Variants in AMN1 observed in about 807,000 individuals in gnomAD.
The protein encoded by AMN1 is antagonist of mitotic exit network 1 homolog.
In AMN1, 20 loss-of-function variants were observed where a neutral mutation model predicts 33.0. The ratio of observed to expected loss-of-function variants is 0.61; its 90% CI spans 0.43 to 0.88. The LOEUF is 0.88. AMN1 is among the 40% of genes least tolerant of loss of function. The probability of loss-of-function intolerance (pLI) is 0.00; values close to 1 mark genes in which losing one functional copy is unlikely to be tolerated. For missense variants in AMN1, 246 were observed against 307.4 expected (o/e 0.80, Z 1.49); for synonymous variants, 114 against 111.9 (o/e 1.02, Z -0.12).
chr12:31,728,684 T>C (rs900204178), intron 1 of AMN1, among the ~76,000 whole-genome samples: 1 of 152,252 alleles, frequency 6.6e-6, no homozygotes, highest in Non-Finnish European at 1.5e-5. Context: ...GAGAGGCCAC[T>C]GCCAGTAACA....
At position 31,680,796 on chromosome 12, in the gene AMN1, TA is replaced by T. The variant is rs1439879976; in HGVS notation, c.703+8210del. Among the ~76,000 whole-genome samples the T allele has an allele frequency of 2.6e-5, 4 of 152,282 alleles. No individual in the cohort carries two copies. The East Asian group carries it at 7.7e-4, about 29-fold the overall frequency. On this transcript the variant is annotated intron_variant, in intron 6 of 6. Coordinates refer to ENST00000281471, the MANE Select transcript of AMN1 (RefSeq NM_001113402.2). ...ATGCAAGTATAGTAAATACTTTCTA[TA>T]TAATATAAATTTTATGGTCTTAAAT...
At chr12:31,704,025 C>T (rs908503442) in intron 2 of AMN1, among the ~76,000 whole-genome samples, 1 of 152,154 alleles carries the variant, frequency 6.6e-6, no homozygotes, top group Non-Finnish European at 1.5e-5. Flanking sequence ...TGCTTATTAT[C>T]ATAAATGATA....
At chr12:31,708,114 A>C (rs1378082411) in intron 2 of AMN1, among the ~76,000 whole-genome samples, 1 of 152,212 alleles carries the variant, frequency 6.6e-6, no homozygotes, top group Non-Finnish European at 1.5e-5. Context: ...CGAACAAGGG[A>C]AGACGACCAT....
rs1218138601 is a variant in AMN1, at chr12:31,671,352, GTTAGCATA to G, written c.*944_*951del. 6 of 152,092 alleles carry G rather than the reference GTTAGCATA, an allele frequency of 3.9e-5. No individual in the cohort carries two copies. The highest frequency in any genetic ancestry group is 3.9e-4 in the Admixed American group (6 of 15,274). 9.4% of individuals were successfully genotyped at this position (152,092 alleles called of 1,614,324 possible). A position where few individuals can be genotyped will look rare whatever the true frequency, so the allele number is the denominator to read the frequency against. On this transcript the variant is annotated 3_prime_UTR_variant, in exon 7 of 7. Coordinates refer to ENST00000281471, the MANE Select transcript of AMN1 (RefSeq NM_001113402.2). ...AGTACCCCCCAACATATACAAGAAA[GTTAGCATA>G]CTTACCCCGTTTTTCACTACATCAG...
At chr12:31,677,509 A>T (rs1225271561) in intron 6 of AMN1, among the ~76,000 whole-genome samples, 1 of 152,188 alleles carries the variant, frequency 6.6e-6, no homozygotes. Flanking sequence ...AGTTCTATCA[A>T]CTATTTCTAA....
intron 5 of AMN1, among the ~76,000 whole-genome samples, chr12:31,693,482 C>T (rs1368123454): frequency 6.6e-6 from 1 of 151,906 alleles, no homozygotes; most frequent in Admixed American, 6.6e-5. Flanking sequence ...CTGCCTCGGC[C>T]TCCCAAAGTG....
Position 31,697,724 on chromosome 12 carries a change from C to T in AMN1, c.534+16G>A. On this transcript the variant is annotated intron_variant, in intron 4 of 6. Coordinates refer to ENST00000281471, the MANE Select transcript of AMN1 (RefSeq NM_001113402.2). ...AAACACATAGTCTATATGTTTGTAG[C>T]CTATATGTCATTTACCTGAGTAGCT... The T allele has an allele frequency of 6.2e-7, 1 of 1,603,284 alleles. No homozygotes were observed.
intron 1 of AMN1, among the ~76,000 whole-genome samples, chr12:31,718,790 G>A (rs1939774466): frequency 6.6e-6 from 1 of 152,256 alleles, no homozygotes; most frequent in Non-Finnish European, 1.5e-5. Flanking sequence ...GGAATCTAGA[G>A]AGGCAGTAGG....
upstream of AMN1, chr12:31,729,086 C>G: frequency 7.1e-7 from 1 of 1,417,426 alleles, no homozygotes; most frequent in South Asian, 1.4e-5. Context: ...AACTCCCGCC[C>G]ACCGCGCGAC....
intron 2 of AMN1, among the ~76,000 whole-genome samples, chr12:31,702,231 G>C (rs1592164101): frequency 6.6e-6 from 1 of 152,288 alleles, no homozygotes; most frequent in Non-Finnish European, 1.5e-5. Context: ...TCCTTCTTGG[G>C]ACACAAAGCA....
chr12:31,694,356 T>C (rs956626062), intron 5 of AMN1, among the ~76,000 whole-genome samples: 1 of 150,428 alleles, frequency 6.6e-6, no homozygotes, highest in African/African-American at 2.4e-5. Flanking sequence ...GCAGAAGAAT[T>C]GCTTGTACCT....
intron 2 of AMN1, among the ~76,000 whole-genome samples, chr12:31,708,206 G>A (rs1289746676): frequency 1.3e-5 from 2 of 152,188 alleles, no homozygotes; most frequent in African/African-American, 4.8e-5. Context: ...CGTGCAAGTA[G>A]GAGAGATATT....
intron 1 of AMN1, among the ~76,000 whole-genome samples, chr12:31,728,650 T>C (rs1940178015): frequency 6.6e-6 from 1 of 152,226 alleles, no homozygotes; most frequent in Admixed American, 6.5e-5. Flanking sequence ...TGTTTTTTTC[T>C]ACCAAGGCTT....
chr12:31,687,475 G>C lies in AMN1; in HGVS notation c.703+1532C>G, dbSNP rs974013990. On this transcript the variant is annotated intron_variant, in intron 6 of 6. Coordinates refer to ENST00000281471, the MANE Select transcript of AMN1 (RefSeq NM_001113402.2). This position sits in a 1 kb window ranked among gnomAD's most constrained non-coding sequence, Gnocchi z 4.1. ...GGAGGCTGGGGTGGGTGGATCATGA[G>C]GTCAGGAGCCTGGCCTGACCAGTAT... Among the ~76,000 whole-genome samples the C allele has an allele frequency of 2.6e-5, 4 of 152,126 alleles. No individual in the cohort carries two copies. In the East Asian group the frequency reaches 7.7e-4, roughly 29 times the overall value.
intron 6 of AMN1, among the ~76,000 whole-genome samples, chr12:31,682,259 TG>T (rs1488201153): frequency 1.3e-5 from 2 of 152,132 alleles, no homozygotes; most frequent in African/African-American, 4.8e-5. Context: ...GTAACTGCAG[TG>T]AATCTGAAGG....
At chr12:31,688,985 C>T (rs1219185867) in intron 6 of AMN1, 22 bp downstream of exon 6, 1 of 1,526,930 alleles carries the variant, frequency 6.5e-7, no homozygotes, top group East Asian at 2.3e-5. Flanking sequence ...GAATTTGAAC[C>T]CAAGCAATCT....
intron 3 of AMN1, among the ~76,000 whole-genome samples, chr12:31,698,705 G>C (rs982813910): frequency 2.6e-5 from 4 of 151,942 alleles, no homozygotes; most frequent in East Asian, 3.9e-4. Flanking sequence ...TTCATGGGTA[G>C]GTCATTTTTA....
intron 6 of AMN1, among the ~76,000 whole-genome samples, chr12:31,679,697 T>G (rs953747438): frequency 2.6e-5 from 4 of 152,222 alleles, no homozygotes; most frequent in Non-Finnish European, 4.4e-5. Flanking sequence ...AAATCCTCCA[T>G]GTCTTTGAAT....
chr12:31,722,130 G>GAC (rs57266162), intron 1 of AMN1, among the ~76,000 whole-genome samples: 18,370 of 143,794 alleles, frequency 0.13, 1,228 homozygotes, highest in Non-Finnish European at 0.16. Context: ...TCAGGCCTTT[G>GAC]ACACACACAC....
Sources: gnomAD v4.1 joint callset for allele counts (sites outside exome capture counted in the v4.1 genomes callset) on GRCh38, gnomAD v4.1.1 for gene constraint, Gnocchi (gnomAD v3.1) non-coding constraint, MANE v1.5 for transcripts, NCBI Gene and HGNC (gene_info 2026-07-23, HGNC 2026-07-21) for gene names.